The following DNAJC24 variants were observed in gnomAD, a reference collection of about 807,000 sequenced individuals.
The protein encoded by DNAJC24 is DnaJ heat shock protein family (Hsp40) member C24, also known as dnaJ homolog subfamily C member 24.
Under a neutral mutation model 18.0 loss-of-function variants are expected in DNAJC24, and 17 were observed. The observed-to-expected ratio is 0.94, with a 90% CI of 0.65 to 1.42. The LOEUF (loss-of-function observed/expected upper bound fraction) is 1.42, where lower values mean the gene tolerates loss of function less well. Ranked by LOEUF, DNAJC24 falls within the 40% of genes most tolerant of loss-of-function variation. DNAJC24 has a pLI of 0.00. For missense variants in DNAJC24, 158 were observed against 175.6 expected (o/e 0.90, Z 0.57); for synonymous variants, 55 against 57.7 (o/e 0.95, Z 0.21).
chr11:31,422,407 G>A (rs1049735215), intron 3 of DNAJC24, among the ~76,000 whole-genome samples: 9 of 151,982 alleles, frequency 5.9e-5, no homozygotes, highest in South Asian at 2.1e-4. Flanking sequence ...TTTTATTTCC[G>A]AATGGCCGTA....
chr11:31,395,435 G>A (rs1952535300), intron 2 of DNAJC24, among the ~76,000 whole-genome samples: 1 of 152,036 alleles, frequency 6.6e-6, no homozygotes, highest in Non-Finnish European at 1.5e-5. Flanking sequence ...CTGGTCGAAT[G>A]GTAGTTCTGT....
chr11:31,378,568 G>A lies in DNAJC24; in HGVS notation c.111+7709G>A, dbSNP rs114545246. On this transcript the variant is annotated intron_variant, in intron 2 of 4. Transcript: ENST00000465995. ...AGGCTCAGAGATTAAGTAACATACTGACTAGCAGCAAGAAATTATGACACA... is the reference window on the plus strand; with the variant it reads ...AGGCTCAGAGATTAAGTAACATACTAACTAGCAGCAAGAAATTATGACACA... Among the ~76,000 whole-genome samples, 495 of 151,902 alleles carry A rather than the reference G, an allele frequency of 3.3e-3. 4 individuals carry two copies. Among genetic ancestry groups the A allele is most frequent in the African/African-American group, 0.012 (477 of 41,422 alleles).
intron 2 of DNAJC24, among the ~76,000 whole-genome samples, chr11:31,407,170 C>T (rs559085432): frequency 1.3e-5 from 2 of 152,252 alleles, no homozygotes; most frequent in African/African-American, 4.8e-5. Context: ...CCTCAAGTGC[C>T]ACATTGATAA....
At chr11:31,403,398 G>A (rs1408201146) in intron 2 of DNAJC24, among the ~76,000 whole-genome samples, 2 of 152,100 alleles carry the variant, frequency 1.3e-5, no homozygotes, top group Admixed American at 6.5e-5. Flanking sequence ...GGGAAACAGA[G>A]GTTACGTTAC....
At chr11:31,429,489 C>A in intron 4 of DNAJC24, 2 of 398,930 alleles carry the variant, frequency 5.0e-6, no homozygotes, top group South Asian at 1.7e-5. Context: ...ACAGTTACTT[C>A]TCAGAGACAG....
At chr11:31,395,324 A>G (rs980540305) in intron 2 of DNAJC24, among the ~76,000 whole-genome samples, 6 of 152,106 alleles carry the variant, frequency 3.9e-5, no homozygotes, top group African/African-American at 1.2e-4. Context: ...TGTCTTTACT[A>G]TTGTGAGTAG....
At chr11:31,394,282 A>G (rs988071452) in intron 2 of DNAJC24, among the ~76,000 whole-genome samples, 3 of 152,230 alleles carry the variant, frequency 2.0e-5, no homozygotes, top group Admixed American at 6.5e-5. Context: ...GAGCTGAAAG[A>G]AGGAGGCATA....
chr11:31,401,775 A>C (rs897214384), intron 2 of DNAJC24, among the ~76,000 whole-genome samples: 2 of 152,174 alleles, frequency 1.3e-5, no homozygotes, highest in African/African-American at 4.8e-5. Flanking sequence ...CAAGGGATGT[A>C]TGTTTCTTCA....
intron 2 of DNAJC24, among the ~76,000 whole-genome samples, chr11:31,402,851 A>G (rs897386948): frequency 1.1e-4 from 17 of 151,692 alleles, no homozygotes; most frequent in Non-Finnish European, 2.2e-4. Flanking sequence ...TTACAACAGC[A>G]TTTCTACAAA....
At chr11:31,423,143 A>G (rs1185993211) in intron 3 of DNAJC24, among the ~76,000 whole-genome samples, 1 of 152,204 alleles carries the variant, frequency 6.6e-6, no homozygotes, top group African/African-American at 2.4e-5. Flanking sequence ...GTCTCAACAC[A>G]CTACCTTTAA....
chr11:31,399,307 G>C (rs906171758), intron 2 of DNAJC24, among the ~76,000 whole-genome samples: 2 of 152,054 alleles, frequency 1.3e-5, no homozygotes, highest in South Asian at 2.1e-4. Context: ...TTTAAAAAAG[G>C]TTTTGCCATA....
At chr11:31,394,296 T>C (rs1952525227) in intron 2 of DNAJC24, among the ~76,000 whole-genome samples, 2 of 152,226 alleles carry the variant, frequency 1.3e-5, no homozygotes, top group Non-Finnish European at 1.5e-5. Flanking sequence ...AGGCATAGCA[T>C]ACCTTGCTTA....
At chr11:31,372,035 C>T (rs1472664614) in intron 2 of DNAJC24, among the ~76,000 whole-genome samples, 2 of 151,698 alleles carry the variant, frequency 1.3e-5, no homozygotes, top group Non-Finnish European at 2.9e-5. Flanking sequence ...ATTGGTCAGG[C>T]TGGTCTCGAA....
intron 2 of DNAJC24, among the ~76,000 whole-genome samples, chr11:31,403,825 G>C (rs1952626676): frequency 6.6e-6 from 1 of 152,142 alleles, no homozygotes; most frequent in Non-Finnish European, 1.5e-5. Context: ...GAGGGTTCTT[G>C]GATCTCATGC....
chr11:31,399,000 AG>A (rs1246153150), intron 2 of DNAJC24, among the ~76,000 whole-genome samples: 2 of 152,196 alleles, frequency 1.3e-5, no homozygotes, highest in African/African-American at 4.8e-5. Flanking sequence ...TTGGAGGTAA[AG>A]GGTTGATATC....
intron 3 of DNAJC24, 66 bp from the exon 4 acceptor site, chr11:31,426,221 C>A (rs144191006): frequency 1.9e-6 from 2 of 1,069,262 alleles, no homozygotes; most frequent in African/African-American, 1.6e-5. Flanking sequence ...GCCTTTTTAG[C>A]ATTCTTCAAG....
chr11:31,420,425 G>A (rs532892568), intron 3 of DNAJC24, among the ~76,000 whole-genome samples: 1 of 152,110 alleles, frequency 6.6e-6, no homozygotes, highest in East Asian at 1.9e-4. Flanking sequence ...TACAATAGCA[G>A]AGTACTTCAG....
intron 3 of DNAJC24, chr11:31,415,832 C>G (rs1952747438): frequency 6.6e-6 from 1 of 152,202 alleles, no homozygotes. Context: ...CAATGGCACA[C>G]CATCAGACCT....
intron 2 of DNAJC24, among the ~76,000 whole-genome samples, chr11:31,413,536 G>A (rs1374928269): frequency 6.6e-6 from 1 of 151,874 alleles, no homozygotes; most frequent in Non-Finnish European, 1.5e-5. Flanking sequence ...GTTTCACTGT[G>A]TTAGCCAGGA....
Sources: gnomAD v4.1 joint callset for allele counts (sites outside exome capture counted in the v4.1 genomes callset) on GRCh38, gnomAD v4.1.1 for gene constraint, MANE v1.5 for transcripts, NCBI Gene and HGNC (gene_info 2026-07-23, HGNC 2026-07-21) for gene names.